Variants in SLC1A4 observed in about 807,000 individuals in gnomAD.
SLC1A4 encodes solute carrier family 1 member 4.
In SLC1A4, 19 loss-of-function variants were observed where a neutral mutation model predicts 37.7. The ratio of observed to expected loss-of-function variants is 0.50; its 90% CI spans 0.35 to 0.74. SLC1A4 has a LOEUF of 0.74. Ranked by LOEUF, SLC1A4 falls within the 30% of genes least tolerant of loss-of-function variation. The pLI is 0.01. For missense variants in SLC1A4, 570 were observed against 712.9 expected, an observed-to-expected ratio of 0.80 and a Z score of 2.28; for synonymous variants, 299 against 309.8, an observed-to-expected ratio of 0.97 and a Z score of 0.37.
At chr2:65,005,007 A>G (rs1255872027) in intron 3 of SLC1A4, among the ~76,000 whole-genome samples, 1 of 152,248 alleles carries the variant, frequency 6.6e-6, no homozygotes, top group Non-Finnish European at 1.5e-5. Flanking sequence ...ATGGCAAATA[A>G]CACTTGTTGA....
In SLC1A4 at chr2:64,990,953, T is replaced by C. The variant is rs546666099; in HGVS notation, c.527+783T>C. Among the ~76,000 whole-genome samples the C allele has an allele frequency of 5.3e-5, 8 of 152,324 alleles. 1 individual carries two copies. In the South Asian group the frequency reaches 1.4e-3, roughly 28 times the overall value. On this transcript the variant is annotated intron_variant, in intron 1 of 7. Coordinates refer to ENST00000234256, the MANE Select transcript of SLC1A4 (RefSeq NM_003038.5). ...ATGATGTAGTATCCTTTCTGTGACT[T>C]ATCCAAAACCTTGGTCTCTCCTGGT...
chr2:65,008,336 T>C lies in SLC1A4; in HGVS notation c.634-2261T>C, dbSNP rs190931633. Among the ~76,000 whole-genome samples, 5 of 151,678 alleles carry C rather than the reference T, an allele frequency of 3.3e-5. No homozygotes were observed. The East Asian group carries it at 7.7e-4, about 23-fold the overall frequency. On this transcript the variant is annotated intron_variant, in intron 3 of 7. Transcript: ENST00000234256. ...CAATAAGTCAAGTCCCAGGAGAGAGTAGTGACAGTCAGAAGTCTTGGCCAG... is the reference window on the plus strand; with the variant it reads ...CAATAAGTCAAGTCCCAGGAGAGAGCAGTGACAGTCAGAAGTCTTGGCCAG...
intron 4 of SLC1A4, among the ~76,000 whole-genome samples, chr2:65,015,746 CATT>C (rs1179856472): frequency 2.0e-5 from 3 of 152,216 alleles, no homozygotes; most frequent in Non-Finnish European, 2.9e-5. Context: ...AACTATGTGA[CATT>C]ATTACCTACG....
In SLC1A4 at chr2:64,990,094, A is replaced by G; in HGVS notation, c.451A>G (p.Ser151Gly). Reference protein sequence around the residue: ...PGSGAQTLQSSDLGLEDSGPP... With the variant: ...PGSGAQTLQSGDLGLEDSGPP... ...ATCCGGTGCGCAGACCCTTCAGTCCAGCGACCTGGGGCTGGAGGACTCGGG... is the reference window on the plus strand; with the variant it reads ...ATCCGGTGCGCAGACCCTTCAGTCCGGCGACCTGGGGCTGGAGGACTCGGG... Residue 151 changes from serine (S) to glycine (G), a missense_variant, in exon 1 of 8, where the codon AGC (serine) becomes GGC (glycine). Physicochemically the swap from Ser to Gly is moderately conservative, Grantham distance 56. Transcript: ENST00000234256. 1 of 1,610,242 alleles carries G rather than the reference A, an allele frequency of 6.2e-7. No homozygotes were observed. The highest frequency in any genetic ancestry group is 2.2e-5 in the East Asian group (1 of 44,768).
chr2:65,016,236 T>G (rs574088269), intron 4 of SLC1A4, among the ~76,000 whole-genome samples: 1 of 152,268 alleles, frequency 6.6e-6, no homozygotes, highest in Non-Finnish European at 1.5e-5. Context: ...TTACCCTTGG[T>G]GAGTGGTCAG....
At chr2:65,010,819 G>A (rs879208669) in intron 4 of SLC1A4, 56 bp downstream of exon 4, 3 of 1,559,526 alleles carry the variant, frequency 1.9e-6, no homozygotes, top group Non-Finnish European at 2.6e-6. Context: ...ATCCAGAAAA[G>A]AGTCCACCTT....
rs1674391598 is a variant in SLC1A4, at chr2:65,020,900, T to C, written c.1365-12T>C. 6.2e-7 allele frequency: 1 copy of C among 1,611,336 alleles called. No homozygotes were observed. Among genetic ancestry groups the C allele is most frequent in the Admixed American group, 1.7e-5 (1 of 59,992 alleles). On this transcript the variant is annotated splice_polypyrimidine_tract_variant and intron_variant, in intron 7 of 7. Coordinates refer to ENST00000234256, the MANE Select transcript of SLC1A4 (RefSeq NM_003038.5). ...CAGTAGATATAATAGCTGCCTCTTC[T>C]TTTCCCACCAGGGACCGGACCACCA...
intron 3 of SLC1A4, among the ~76,000 whole-genome samples, chr2:65,008,689 A>C (rs1392011855): frequency 6.6e-6 from 1 of 152,204 alleles, no homozygotes; most frequent in Non-Finnish European, 1.5e-5. Context: ...TATGGAATTA[A>C]AATAACATTT....
chr2:65,009,843 C>T (rs1399801699), intron 3 of SLC1A4, among the ~76,000 whole-genome samples: 1 of 152,012 alleles, frequency 6.6e-6, no homozygotes, highest in Non-Finnish European at 1.5e-5. Context: ...TGAAGTTTGT[C>T]GGCTAGGAGG....
chr2:65,014,655 A>C (rs1674054016), intron 4 of SLC1A4, among the ~76,000 whole-genome samples: 1 of 152,266 alleles, frequency 6.6e-6, no homozygotes, highest in Non-Finnish European at 1.5e-5. Flanking sequence ...GCTGGTGGGA[A>C]TGTGATATGG....
intron 4 of SLC1A4, among the ~76,000 whole-genome samples, chr2:65,016,225 G>A (rs975520546): frequency 6.6e-6 from 1 of 152,206 alleles, no homozygotes; most frequent in African/African-American, 2.4e-5. Flanking sequence ...TCCTGACTCT[G>A]TTACCCTTGG....
rs778220999 is a variant in SLC1A4, at chr2:65,021,071, C to G, written c.1524C>G (p.Pro508=). The G allele has an allele frequency of 3.1e-6, 5 of 1,614,070 alleles. No individual in the cohort carries two copies. In the Middle Eastern group the frequency reaches 4.9e-4, roughly 159 times the overall value. The part of the protein sequence containing the change: ...PNCKSEEETS[P]LVTHQNPAGP... The stretch of plus-strand genomic sequence containing the variant: ...GCAAGTCTGAGGAGGAGACATCGCC[C>G]CTGGTGACACACCAGAACCCCGCTG... The change falls in exon 8 of 8, where the codon CCC becomes CCG. Residue 508 remains proline (P), a synonymous_variant. Coordinates refer to ENST00000234256, the MANE Select transcript of SLC1A4 (RefSeq NM_003038.5).
intron 1 of SLC1A4, among the ~76,000 whole-genome samples, chr2:64,990,483 C>T (rs1440496945): frequency 6.6e-6 from 1 of 152,196 alleles, no homozygotes; most frequent in Non-Finnish European, 1.5e-5. Context: ...ACTCCTTATA[C>T]TCTCGCGCTG....
At chr2:65,009,149 C>T (rs1274996007) in intron 3 of SLC1A4, among the ~76,000 whole-genome samples, 3 of 152,224 alleles carry the variant, frequency 2.0e-5, no homozygotes, top group Non-Finnish European at 2.9e-5. Context: ...CACCTGAGGT[C>T]GGGAGTTCCA....
Position 64,989,521 on chromosome 2 carries a change from C to G in SLC1A4, c.-123C>G. 1 of 877,406 alleles carries G rather than the reference C, an allele frequency of 1.1e-6. No homozygotes were observed. Among genetic ancestry groups the G allele is most frequent in the Non-Finnish European group, 1.6e-6 (1 of 639,970 alleles). The allele number at this position is 877,406 out of a possible 1,614,324, so 54.4% of individuals were successfully genotyped here. ...TGCTCCTGCGCCAGGCCCGGAGACCCCCGGGGCGGCTTCCCAGAACCTGCG... is the reference window on the plus strand; with the variant it reads ...TGCTCCTGCGCCAGGCCCGGAGACCGCCGGGGCGGCTTCCCAGAACCTGCG... On this transcript the variant is annotated 5_prime_UTR_variant, in exon 1 of 8. Coordinates refer to ENST00000234256, the MANE Select transcript of SLC1A4 (RefSeq NM_003038.5).
intron 1 of SLC1A4, chr2:65,000,212 AT>A (rs769268951): frequency 5.9e-5 from 9 of 152,250 alleles, no homozygotes; most frequent in Non-Finnish European, 1.2e-4. Context: ...AATTTCTTGT[AT>A]ATCAAGACCA....
At chr2:65,014,094 C>G (rs1285012600) in intron 4 of SLC1A4, among the ~76,000 whole-genome samples, 1 of 152,022 alleles carries the variant, frequency 6.6e-6, no homozygotes, top group Non-Finnish European at 1.5e-5. Flanking sequence ...GCAGGGAAAG[C>G]CTTCCTAAAC....
rs1331776259 is a variant in SLC1A4, at chr2:65,020,922, A to G, written c.1375A>G (p.Thr459Ala). Residue 459 changes from threonine to alanine, a missense_variant, in exon 8 of 8, where the codon ACC becomes GCC. Thr to Ala is a moderately conservative substitution (Grantham distance 58, BLOSUM62 0). Coordinates refer to ENST00000234256, the MANE Select transcript of SLC1A4 (RefSeq NM_003038.5). ...TTCTTTTCCCACCAGGGACCGGACC[A>G]CCACGGTGGTGAATGTGGAAGGGGA... ...LAVDWIVDRT[T>A]TVVNVEGDAL... 6.2e-7 allele frequency: 1 copy of G among 1,613,972 alleles called. No homozygotes were observed.
intron 1 of SLC1A4, among the ~76,000 whole-genome samples, chr2:64,990,976 G>A (rs1673027505): frequency 6.6e-6 from 1 of 152,118 alleles, no homozygotes; most frequent in Admixed American, 6.6e-5. Flanking sequence ...GGTCTCTCCT[G>A]GTTTCTCCAT....
Sources: allele counts gnomAD v4.1 joint callset (sites outside exome capture counted in the v4.1 genomes callset), GRCh38; gene constraint gnomAD v4.1.1; transcripts MANE v1.5; gene names NCBI Gene and HGNC (gene_info 2026-07-23, HGNC 2026-07-21).